Variants in DENND1A observed in about 807,000 individuals in gnomAD.
DENND1A encodes the protein DENN domain-containing protein 1A.
DENND1A carries 51 observed loss-of-function variants against 113.7 expected under a neutral mutation model. The observed-to-expected ratio is 0.45, with a 90% CI of 0.36 to 0.57. DENND1A has a LOEUF of 0.57. Among genes scored for constraint, DENND1A ranks in the 20% least tolerant of loss-of-function variants. The pLI, the probability that DENND1A is intolerant of heterozygous loss-of-function variation, is 0.00. For synonymous variants in DENND1A, 565 were observed against 570.8 expected (o/e 0.99, Z 0.14); for missense variants, 1,258 against 1,395.9 (o/e 0.90, Z 1.57).
intron 7 of DENND1A, among the ~76,000 whole-genome samples, chr9:123,667,595 C>T (rs1432828007): frequency 2.6e-5 from 4 of 151,982 alleles, no homozygotes; most frequent in African/African-American, 4.8e-5. Context: ...CCAGCCTGGG[C>T]GACAAGAATG....
In DENND1A at chr9:123,790,619, A is replaced by G. The variant is rs910015442; in HGVS notation, c.132+1968T>C. 2.0e-5 allele frequency among the ~76,000 whole-genome samples: 3 copies of G among 152,188 alleles called. No homozygotes were observed. In the East Asian group the frequency reaches 5.8e-4, roughly 29 times the overall value. On this transcript the variant is annotated intron_variant, in intron 3 of 23. Transcript: ENST00000394215. ...TATTTAGGTTCCTACTATAATTCTA[A>G]TAATTCCAACTTCAATATATGAAAT... is the stretch of plus-strand genomic sequence containing the variant.
At position 123,651,402 on chromosome 9, in the gene DENND1A, G is replaced by A. The variant is rs116214194; in HGVS notation, c.618+611C>T. Among the ~76,000 whole-genome samples the A allele has an allele frequency of 5.3e-3, 809 of 151,516 alleles. 3 individuals are homozygous for A. Among genetic ancestry groups the A allele is most frequent in the African/African-American group, 0.016 (672 of 41,076 alleles). On this transcript the variant is annotated intron_variant, in intron 9 of 23. Transcript: ENST00000394215. ...TGAGCACATGCACGTACACACGTGC[G>A]CACATGCGCGCACACACACACTCTC...
At chr9:123,593,160 G>C (rs781289871) in intron 11 of DENND1A, among the ~76,000 whole-genome samples, 2 of 152,176 alleles carry the variant, frequency 1.3e-5, no homozygotes, top group Non-Finnish European at 2.9e-5. Flanking sequence ...CTTCTGAGAC[G>C]TCTTTGCAGT....
intron 5 of DENND1A, among the ~76,000 whole-genome samples, chr9:123,744,527 T>G (rs1303091979): frequency 2.0e-5 from 3 of 152,194 alleles, no homozygotes; most frequent in Non-Finnish European, 4.4e-5. Flanking sequence ...GAATATATAT[T>G]GCCAATTGTT....
At chr9:123,598,131 T>C (rs1179800067) in intron 11 of DENND1A, among the ~76,000 whole-genome samples, 1 of 152,142 alleles carries the variant, frequency 6.6e-6, no homozygotes, top group Non-Finnish European at 1.5e-5. Context: ...CTGGGCATCT[T>C]CCCTCTCTTC....
intron 11 of DENND1A, among the ~76,000 whole-genome samples, chr9:123,604,777 TG>T (rs2060079334): frequency 6.6e-6 from 1 of 152,156 alleles, no homozygotes; most frequent in Admixed American, 6.5e-5. Flanking sequence ...GTGTTGAAAC[TG>T]TCTTTCCCTA....
intron 2 of DENND1A, among the ~76,000 whole-genome samples, chr9:123,874,574 C>T (rs1847159302): frequency 6.6e-6 from 1 of 152,174 alleles, no homozygotes; most frequent in Admixed American, 6.5e-5. Context: ...CTGCAATGAA[C>T]TATGATCACG....
chr9:123,922,931 G>A (rs780585391), intron 1 of DENND1A, among the ~76,000 whole-genome samples: 19 of 152,048 alleles, frequency 1.2e-4, no homozygotes, highest in Admixed American at 3.3e-4. Flanking sequence ...CTGAATACTC[G>A]GAAAGAATGG....
intron 11 of DENND1A, among the ~76,000 whole-genome samples, chr9:123,587,542 CTA>C (rs1444744236): frequency 6.6e-6 from 1 of 152,114 alleles, no homozygotes; most frequent in Non-Finnish European, 1.5e-5. Context: ...ATTTATAGCC[CTA>C]TCTTATCCAT....
chr9:123,483,905 A>G (rs1218289893), intron 13 of DENND1A, among the ~76,000 whole-genome samples: 2 of 152,178 alleles, frequency 1.3e-5, no homozygotes, highest in African/African-American at 4.8e-5. Context: ...TTTGAGACAC[A>G]GCTTAGTTTT....
At chr9:123,671,870 G>A (rs1258958634) in intron 6 of DENND1A, among the ~76,000 whole-genome samples, 3 of 152,170 alleles carry the variant, frequency 2.0e-5, no homozygotes, top group South Asian at 2.1e-4. Context: ...ATATAGGATG[G>A]TGGCTATGCA....
At chr9:123,635,631 C>T (rs896161391) in intron 9 of DENND1A, among the ~76,000 whole-genome samples, 1 of 152,156 alleles carries the variant, frequency 6.6e-6, no homozygotes, top group African/African-American at 2.4e-5. Context: ...AGAAAATAAT[C>T]ATTTTTAAAA....
intron 5 of DENND1A, among the ~76,000 whole-genome samples, chr9:123,696,889 T>C (rs1428840269): frequency 2.6e-5 from 4 of 152,128 alleles, no homozygotes; most frequent in African/African-American, 4.8e-5. Flanking sequence ...AATAAAGAAA[T>C]AAGAACACAA....
chr9:123,753,616 G>A (rs1172919292), intron 5 of DENND1A, among the ~76,000 whole-genome samples: 2 of 152,150 alleles, frequency 1.3e-5, no homozygotes, highest in African/African-American at 4.8e-5. Context: ...AGTCTTTGGT[G>A]CCCTGCCCTC....
intron 5 of DENND1A, among the ~76,000 whole-genome samples, chr9:123,735,199 A>G (rs1182129645): frequency 6.6e-6 from 1 of 152,114 alleles, no homozygotes; most frequent in African/African-American, 2.4e-5. Context: ...AAATACCCCT[A>G]TTTCCACTAT....
intron 5 of DENND1A, among the ~76,000 whole-genome samples, chr9:123,682,348 G>A (rs2064521945): frequency 6.6e-6 from 1 of 152,166 alleles, no homozygotes; most frequent in Admixed American, 6.5e-5. Context: ...GTTCATGTCG[G>A]GACTGATGAG....
chr9:123,712,027 A>G (rs1435921356), intron 5 of DENND1A, among the ~76,000 whole-genome samples: 2 of 152,192 alleles, frequency 1.3e-5, no homozygotes, highest in Non-Finnish European at 2.9e-5. Context: ...AATGAATGCA[A>G]CTATTTACCT....
intron 18 of DENND1A, among the ~76,000 whole-genome samples, chr9:123,441,484 T>G (rs980265071): frequency 4.6e-5 from 7 of 152,190 alleles, no homozygotes; most frequent in African/African-American, 7.2e-5. Flanking sequence ...ATCCAGAAAT[T>G]TACATTTAAT....
chr9:123,661,468 T>G (rs1249653363), intron 8 of DENND1A, among the ~76,000 whole-genome samples: 1 of 152,174 alleles, frequency 6.6e-6, no homozygotes, highest in Non-Finnish European at 1.5e-5. Flanking sequence ...AGAACACTGA[T>G]AATAAAGCAT....
Sources: gnomAD v4.1 joint callset for allele counts (sites outside exome capture counted in the v4.1 genomes callset) on GRCh38, gnomAD v4.1.1 for gene constraint, MANE v1.5 for transcripts, NCBI Gene and HGNC (gene_info 2026-07-23, HGNC 2026-07-21) for gene names.